The following ITPR2 variants were observed in gnomAD, a reference collection of about 807,000 sequenced individuals.
ITPR2 encodes inositol 1,4,5-trisphosphate-gated calcium channel ITPR2.
A neutral mutation model predicts 317.1 loss-of-function variants in ITPR2; 207 were observed. The observed-to-expected ratio is 0.65, with a 90% confidence interval of 0.58 to 0.73. The LOEUF (loss-of-function observed/expected upper bound fraction) is 0.73, where lower values mean the gene tolerates loss of function less well. ITPR2 is among the 30% of genes least tolerant of loss of function. The pLI, the probability that ITPR2 is intolerant of heterozygous loss-of-function variation, is 0.00. For missense variants in ITPR2, 2,613 were observed against 3,284.0 expected (o/e 0.80, Z 4.99); for synonymous variants, 1,156 against 1,149.1 (o/e 1.01, Z -0.12).
At chr12:26,630,376 GAAGA>G (rs1946719550) in intron 22 of ITPR2, among the ~76,000 whole-genome samples, 2 of 151,272 alleles carry the variant, frequency 1.3e-5, no homozygotes, top group African/African-American at 4.9e-5. Context: ...AGAGGGCCAG[GAAGA>G]GAGAGAGAGA....
chr12:26,383,922 G>C (rs1939592265), intron 55 of ITPR2, among the ~76,000 whole-genome samples: 1 of 140,478 alleles, frequency 7.1e-6, no homozygotes, highest in Non-Finnish European at 1.6e-5. Context: ...CTAATATGAG[G>C]AAGGACTTTT....
intron 2 of ITPR2, among the ~76,000 whole-genome samples, chr12:26,749,105 C>T (rs1949374844): frequency 6.6e-6 from 1 of 152,140 alleles, no homozygotes; most frequent in South Asian, 2.1e-4. Flanking sequence ...AAGGTATTAG[C>T]TTGATTTCCC....
At chr12:26,668,630 C>T (rs1413093691) in intron 13 of ITPR2, among the ~76,000 whole-genome samples, 1 of 152,138 alleles carries the variant, frequency 6.6e-6, no homozygotes, top group Non-Finnish European at 1.5e-5. Context: ...AGGAAGATAG[C>T]CACCATACAG....
chr12:26,729,019 C>G (rs1387466881), intron 2 of ITPR2, among the ~76,000 whole-genome samples: 1 of 152,202 alleles, frequency 6.6e-6, no homozygotes, highest in Admixed American at 6.5e-5. Flanking sequence ...TTGACAGCTT[C>G]TTTTGCTGTG....
chr12:26,494,338 T>G lies in ITPR2; in HGVS notation c.5185A>C (p.Ser1729Arg). The change falls in exon 39 of 57, where the codon AGC becomes CGC. Residue 1729 changes from serine to arginine, a missense_variant and splice_region_variant. Transcript: ENST00000381340. ...AYSKTAQVGGSFSGQDSDKMG... is the reference protein window; with the variant it reads ...AYSKTAQVGGRFSGQDSDKMG... ...TTATCTGAATCTTGTCCAGAAAAGCTTCCTGTGATTGGGAAAAATAAATAA... is the reference window on the plus strand; with the variant it reads ...TTATCTGAATCTTGTCCAGAAAAGCGTCCTGTGATTGGGAAAAATAAATAA... The G allele has an allele frequency of 6.3e-7, 1 of 1,594,932 alleles. No individual in the cohort carries two copies. Among genetic ancestry groups the G allele is most frequent in the Non-Finnish European group, 8.5e-7 (1 of 1,172,508 alleles).
rs779398355 is a variant in ITPR2, at chr12:26,631,954, C to A, written c.2846G>T (p.Ser949Ile). ...GCTCCCTTGCTTGCTCGGGTGGATG[C>A]TGGGTGGCACATCCGGCACGCTCAT... Reference protein sequence around the residue: ...FPMSVPDVPPSIHPSKQGSPT... With the variant: ...FPMSVPDVPPIIHPSKQGSPT... The change falls in exon 22 of 57, where the codon AGC becomes ATC. Residue 949 changes from serine to isoleucine, a missense_variant. By Grantham distance (142) the Ser-to-Ile change is moderately radical. This residue lies in a region of ITPR2 where 817 missense variants were observed against 897.6 expected (regional missense o/e 0.91). Coordinates refer to ENST00000381340, the MANE Select transcript of ITPR2 (RefSeq NM_002223.4). 11 of 1,613,792 alleles carry A rather than the reference C, an allele frequency of 6.8e-6. No homozygotes were observed. Among genetic ancestry groups the A allele is most frequent in the Non-Finnish European group, 9.3e-6 (11 of 1,179,858 alleles).
intron 26 of ITPR2, among the ~76,000 whole-genome samples, chr12:26,613,653 T>C (rs1321899280): frequency 6.6e-6 from 1 of 151,850 alleles, no homozygotes; most frequent in Non-Finnish European, 1.5e-5. Context: ...GACCCTGGCA[T>C]AGAGTCAGGA....
At chr12:26,705,523 T>A (rs1195038096) in intron 9 of ITPR2, among the ~76,000 whole-genome samples, 1 of 152,166 alleles carries the variant, frequency 6.6e-6, no homozygotes, top group Admixed American at 6.6e-5. Context: ...CCTAATGATC[T>A]TACCTGCGCT....
chr12:26,473,971 G>A (rs1257816552), intron 45 of ITPR2, among the ~76,000 whole-genome samples: 1 of 152,144 alleles, frequency 6.6e-6, no homozygotes, highest in Non-Finnish European at 1.5e-5. Flanking sequence ...GATACATTAT[G>A]AGAGACCTTA....
At chr12:26,436,755 T>C (rs963591911) in intron 47 of ITPR2, among the ~76,000 whole-genome samples, 4 of 98,362 alleles carry the variant, frequency 4.1e-5, no homozygotes, top group African/African-American at 1.3e-4. Context: ...TCCCATGCCT[T>C]AAAGTCAAAT....
chr12:26,498,280 T>C (rs545418475), intron 37 of ITPR2, among the ~76,000 whole-genome samples: 8 of 152,350 alleles, frequency 5.3e-5, no homozygotes, highest in African/African-American at 1.9e-4. Context: ...CTATTTACTA[T>C]TCCTGATAAC....
chr12:26,432,484 A>T (rs1323874046), intron 48 of ITPR2, among the ~76,000 whole-genome samples: 9 of 151,900 alleles, frequency 5.9e-5, no homozygotes, highest in Non-Finnish European at 1.2e-4. Flanking sequence ...TGATCACTTT[A>T]AAGTTATTAT....
intron 15 of ITPR2, among the ~76,000 whole-genome samples, chr12:26,661,785 C>T (rs182616293): frequency 7.1e-4 from 108 of 152,274 alleles, no homozygotes; most frequent in African/African-American, 2.5e-3. Flanking sequence ...CATTTCCCTT[C>T]CCCACTCCAG....
At chr12:26,603,774 A>G (rs1037421332) in intron 26 of ITPR2, among the ~76,000 whole-genome samples, 1 of 152,210 alleles carries the variant, frequency 6.6e-6, no homozygotes, top group Non-Finnish European at 1.5e-5. Flanking sequence ...CCAGGTGAAG[A>G]AGAAGTCACC....
chr12:26,522,112 T>C (rs1292529284), intron 37 of ITPR2, among the ~76,000 whole-genome samples: 4 of 152,222 alleles, frequency 2.6e-5, no homozygotes, highest in Non-Finnish European at 4.4e-5. Context: ...GAATAAACTA[T>C]GTTTTTACAA....
intron 54 of ITPR2, among the ~76,000 whole-genome samples, chr12:26,397,649 C>T (rs1940041702): frequency 6.6e-6 from 1 of 152,104 alleles, no homozygotes; most frequent in South Asian, 2.1e-4. Flanking sequence ...CCTGATACAC[C>T]TACAACTGTT....
At chr12:26,778,545 G>A (rs1225990797) in intron 2 of ITPR2, among the ~76,000 whole-genome samples, 6 of 152,156 alleles carry the variant, frequency 3.9e-5, no homozygotes, top group Admixed American at 1.3e-4. Flanking sequence ...TGTCCATAAG[G>A]CCCACCAGAA....
chr12:26,786,944 C>T (rs1402053065), intron 2 of ITPR2, among the ~76,000 whole-genome samples: 1 of 152,032 alleles, frequency 6.6e-6, no homozygotes, highest in South Asian at 2.1e-4. Flanking sequence ...GGAAACTTGG[C>T]AGGGCAGTCT....
At position 26,621,242 on chromosome 12, in the gene ITPR2, C is replaced by G. The variant is rs573941321; in HGVS notation, c.3343G>C (p.Asp1115His). 1.5e-5 allele frequency: 24 copies of G among 1,613,736 alleles called. No individual in the cohort carries two copies. The highest frequency in any genetic ancestry group is 2.0e-5 in the Non-Finnish European group (24 of 1,179,814). Reference sequence around the variant, plus strand: ...ACTGTCAGTCGAAGCTGGTCTAGATCTGCCTTGATTTGCTTGTAGTTATCT... The same window carrying G: ...ACTGTCAGTCGAAGCTGGTCTAGATGTGCCTTGATTTGCTTGTAGTTATCT... ...DVDNYKQIKA[D>H]LDQLRLTVEK... Residue 1115 changes from aspartate to histidine, a missense_variant, in exon 26 of 57, where the codon GAT (aspartate) becomes CAT (histidine). Asp to His is a moderately conservative substitution (Grantham distance 81). Coordinates refer to ENST00000381340, the MANE Select transcript of ITPR2 (RefSeq NM_002223.4).
Sources: allele counts gnomAD v4.1 joint callset (sites outside exome capture counted in the v4.1 genomes callset), GRCh38; gene constraint gnomAD v4.1.1; regional missense constraint gnomAD v4.1.1; transcripts MANE v1.5; gene names NCBI Gene and HGNC (gene_info 2026-07-23, HGNC 2026-07-21).